MARK1: variants seen among roughly 807,000 people sequenced by gnomAD.
The protein encoded by MARK1 is serine/threonine-protein kinase MARK1.
In MARK1, 40 loss-of-function variants were observed where a neutral mutation model predicts 96.3. The ratio of observed to expected loss-of-function variants is 0.42; its 90% confidence interval spans 0.32 to 0.54. The LOEUF (loss-of-function observed/expected upper bound fraction) is 0.54, where lower values mean the gene tolerates loss of function less well. MARK1 is among the 20% of genes least tolerant of loss of function. The pLI is 0.16. For synonymous variants in MARK1, 317 were observed against 341.2 expected (o/e 0.93, Z 0.78); for missense variants, 719 against 984.6 (o/e 0.73, Z 3.61).
intron 1 of MARK1, among the ~76,000 whole-genome samples, chr1:220,574,757 A>T (rs1663717978): frequency 6.6e-6 from 1 of 152,210 alleles, no homozygotes; most frequent in Non-Finnish European, 1.5e-5. Flanking sequence ...TGGAAGCAGA[A>T]CTTCCCTACT....
At chr1:220,547,346 C>G (rs548462487) in intron 1 of MARK1, among the ~76,000 whole-genome samples, 2 of 152,298 alleles carry the variant, frequency 1.3e-5, no homozygotes, top group South Asian at 4.1e-4. Context: ...AAATAACATC[C>G]TACGGAAGAA....
intron 5 of MARK1, among the ~76,000 whole-genome samples, chr1:220,601,146 C>G (rs1355393264): frequency 6.6e-6 from 1 of 152,090 alleles, no homozygotes; most frequent in East Asian, 1.9e-4. Flanking sequence ...TCTCGATCTC[C>G]TGACCTCGTG....
chr1:220,582,824 A>G (rs1664325699), intron 3 of MARK1, among the ~76,000 whole-genome samples: 1 of 152,236 alleles, frequency 6.6e-6, no homozygotes, highest in African/African-American at 2.4e-5. Context: ...TTGCTTTTCC[A>G]AATAGGCATA....
At chr1:220,594,829 G>A (rs184320669) in intron 3 of MARK1, among the ~76,000 whole-genome samples, 35 of 152,278 alleles carry the variant, frequency 2.3e-4, no homozygotes, top group Non-Finnish European at 3.1e-4. Context: ...CAAAACTGGT[G>A]ACAATAAAAA....
At chr1:220,577,283 A>T (rs1274290837) in intron 1 of MARK1, among the ~76,000 whole-genome samples, 1 of 146,902 alleles carries the variant, frequency 6.8e-6, no homozygotes, top group East Asian at 2.0e-4. Flanking sequence ...AAAAAAAAAA[A>T]GATACATCTT....
chr1:220,537,684 C>G (rs376032591), intron 1 of MARK1, among the ~76,000 whole-genome samples: 1,682 of 145,758 alleles, frequency 0.012, 33 homozygotes, highest in East Asian at 0.088. Context: ...AATGGTTGAA[C>G]TAGTTTACAG....
At chr1:220,646,414 A>G (rs538901031) in intron 13 of MARK1, among the ~76,000 whole-genome samples, 75 of 152,338 alleles carry the variant, frequency 4.9e-4, no homozygotes, top group Admixed American at 5.9e-4. Context: ...AGAGGACCAA[A>G]GAAGATGGAA....
chr1:220,619,093 C>T (rs147422873), intron 9 of MARK1, among the ~76,000 whole-genome samples: 1 of 152,096 alleles, frequency 6.6e-6, no homozygotes, highest in Non-Finnish European at 1.5e-5. Context: ...AGTAAGTACT[C>T]AATAAATATT....
intron 9 of MARK1, among the ~76,000 whole-genome samples, chr1:220,630,550 A>T (rs974396917): frequency 2.6e-5 from 4 of 151,934 alleles, no homozygotes; most frequent in Non-Finnish European, 1.5e-5. Flanking sequence ...CCCTTCCCAC[A>T]TTATCTTAGC....
intron 1 of MARK1, among the ~76,000 whole-genome samples, chr1:220,530,086 CAG>C (rs942778048): frequency 1.6e-4 from 25 of 152,132 alleles, no homozygotes; most frequent in Admixed American, 4.6e-4. Context: ...GGGGTATAAA[CAG>C]ATGATTTCAT....
rs560157138 is a variant in MARK1 at position 220,590,355 on chromosome 1, A to G, written c.310-7976A>G. 2.0e-3 allele frequency among the ~76,000 whole-genome samples: 298 copies of G among 152,296 alleles called. 2 individuals are homozygous for G. The Middle Eastern group carries it at 0.044, about 23-fold the overall frequency. On this transcript the variant is annotated intron_variant, in intron 3 of 17. Transcript: ENST00000366917. Reference sequence around the variant, plus strand: ...TTAACAGAAATTTTCTCACCTTTCTAGAGTCTGGAAATTCAAGATGAAGGT... The same window carrying G: ...TTAACAGAAATTTTCTCACCTTTCTGGAGTCTGGAAATTCAAGATGAAGGT...
rs145997187 is a variant in MARK1, at chr1:220,648,476, C to T, written c.1471-2144C>T. Among the ~76,000 whole-genome samples, 590 of 152,270 alleles carry T rather than the reference C, an allele frequency of 3.9e-3. 6 individuals are homozygous for T. Among genetic ancestry groups the T allele is most frequent in the Middle Eastern group, 0.037 (11 of 294 alleles). ...TTTTGCATAATTGTATCTTAAATTT[C>T]CTTGGGGAAATACAACTGATGGTTG... On this transcript the variant is annotated intron_variant, in intron 13 of 17. Coordinates refer to ENST00000366917, the MANE Select transcript of MARK1 (RefSeq NM_018650.5).
chr1:220,655,963 T>C (rs2103066247), intron 16 of MARK1, among the ~76,000 whole-genome samples: 1 of 152,326 alleles, frequency 6.6e-6, no homozygotes, highest in East Asian at 1.9e-4. Context: ...TTTGGCATTG[T>C]GTACCTGCTA....
chr1:220,655,904 A>G (rs1256103934), intron 16 of MARK1, among the ~76,000 whole-genome samples: 2 of 151,968 alleles, frequency 1.3e-5, no homozygotes, highest in African/African-American at 4.8e-5. Flanking sequence ...TGCTGCTTCC[A>G]CACCAGCCAC....
At chr1:220,600,805 GATTTTATGTGAACTAGA>G (rs1283747087) in intron 5 of MARK1, among the ~76,000 whole-genome samples, 1 of 151,812 alleles carries the variant, frequency 6.6e-6, no homozygotes, top group Non-Finnish European at 1.5e-5. Flanking sequence ...TGGTGATTCA[GATTTTATGTGAACTAGA>G]ATAAAAAGGA....
intron 1 of MARK1, among the ~76,000 whole-genome samples, chr1:220,555,796 T>C (rs1662205672): frequency 2.0e-5 from 3 of 152,146 alleles, no homozygotes; most frequent in Non-Finnish European, 4.4e-5. Context: ...AGTTTGGGTG[T>C]CATATGGTAC....
At chr1:220,556,363 G>A (rs931720998) in intron 1 of MARK1, among the ~76,000 whole-genome samples, 2 of 151,218 alleles carry the variant, frequency 1.3e-5, no homozygotes, top group African/African-American at 2.4e-5. Flanking sequence ...GCTATATGTC[G>A]AGTAGAAACC....
rs915778211 is a variant in MARK1 at position 220,642,962 on chromosome 1, C to T, written c.1470+6936C>T. 3.3e-5 allele frequency among the ~76,000 whole-genome samples: 5 copies of T among 152,116 alleles called. No individual in the cohort carries two copies. The East Asian group carries it at 9.7e-4, about 29-fold the overall frequency. On this transcript the variant is annotated intron_variant, in intron 13 of 17. Coordinates refer to ENST00000366917, the MANE Select transcript of MARK1 (RefSeq NM_018650.5). ...AACCCCATCCAAAGGTCAACAGCCT[C>T]AAAGATCAAAGGTACATAAATCCAC...
chr1:220,619,833 TTC>T (rs1284770772), intron 9 of MARK1, among the ~76,000 whole-genome samples: 1 of 152,332 alleles, frequency 6.6e-6, no homozygotes, highest in East Asian at 1.9e-4. Flanking sequence ...CACTAGTACT[TTC>T]TGTCTTCTTT....
Sources: gnomAD v4.1 joint callset for allele counts (sites outside exome capture counted in the v4.1 genomes callset) on GRCh38, gnomAD v4.1.1 for gene constraint, MANE v1.5 for transcripts, NCBI Gene and HGNC (gene_info 2026-07-23, HGNC 2026-07-21) for gene names.